The following GCNA variants were observed in gnomAD, a reference collection of about 807,000 sequenced individuals.
The protein encoded by GCNA is germ cell nuclear acidic peptidase.
Under a neutral mutation model 38.8 loss-of-function variants are expected in GCNA, and 3 were observed. The ratio of observed to expected loss-of-function variants is 0.08; its 90% CI spans 0.04 to 0.20. The LOEUF is 0.20. Among genes scored for constraint, GCNA ranks in the 10% least tolerant of loss-of-function variants. The pLI is 1.00. For missense variants in GCNA, 446 were observed against 578.6 expected (o/e 0.77, Z 2.35); for synonymous variants, 195 against 240.2 (o/e 0.81, Z 1.74).
At chrX:71,593,193 C>T (rs2040643907) in intron 4 of GCNA, among the ~76,000 whole-genome samples, 1 of 112,357 alleles carries the variant, frequency 8.9e-6, no homozygotes, top group South Asian at 3.7e-4. Flanking sequence ...TGCACCTGGC[C>T]TAAGTCTAAC....
intron 8 of GCNA, among the ~76,000 whole-genome samples, chrX:71,604,941 A>C (rs2040757050): frequency 8.9e-6 from 1 of 111,997 alleles, no homozygotes; most frequent in African/African-American, 3.2e-5. Flanking sequence ...TGTTCTGAGG[A>C]TATCTTATTT....
chrX:71,583,230 G>A (rs779523702), intron 2 of GCNA, among the ~76,000 whole-genome samples: 1 of 112,358 alleles, frequency 8.9e-6, no homozygotes, highest in Admixed American at 9.5e-5. Flanking sequence ...TCTCCGGGAA[G>A]AGCAAGGACA....
intron 9 of GCNA, among the ~76,000 whole-genome samples, chrX:71,607,720 G>A (rs745490124): frequency 3.6e-5 from 4 of 112,278 alleles, no homozygotes; most frequent in Non-Finnish European, 7.5e-5. Flanking sequence ...AGTGGAGATC[G>A]TAAAAATAGT....
chrX:71,602,103 A>G (rs760544805), intron 7 of GCNA, among the ~76,000 whole-genome samples: 2 of 112,110 alleles, frequency 1.8e-5, no homozygotes, highest in South Asian at 3.7e-4. Flanking sequence ...TTTTCTCCTC[A>G]TTCTCACCAG....
At chrX:71,594,105 C>T (rs186320738) in intron 4 of GCNA, among the ~76,000 whole-genome samples, 30 of 112,457 alleles carry the variant, frequency 2.7e-4, no homozygotes, top group African/African-American at 8.4e-4. Context: ...ACATTCTTCC[C>T]GTGTTTTTGA....
intron 2 of GCNA, among the ~76,000 whole-genome samples, chrX:71,582,948 C>G (rs2040557713): frequency 8.9e-6 from 1 of 111,813 alleles, no homozygotes; most frequent in Non-Finnish European, 1.9e-5. Flanking sequence ...CATTGCAGCA[C>G]TGTTTGTAAT....
intron 2 of GCNA, among the ~76,000 whole-genome samples, chrX:71,588,241 G>A (rs2040597698): frequency 9.0e-6 from 1 of 111,533 alleles, no homozygotes; most frequent in South Asian, 3.7e-4. Flanking sequence ...GTATATAGTA[G>A]ATGCTCGATA....
chrX:71,607,098 A>G (rs980733767), intron 9 of GCNA, among the ~76,000 whole-genome samples: 3 of 111,856 alleles, frequency 2.7e-5, no homozygotes, highest in Non-Finnish European at 5.6e-5. Flanking sequence ...GTAAAGAGCC[A>G]CAGGCCTTGA....
chrX:71,608,434 A>G (rs1022948332), intron 9 of GCNA, among the ~76,000 whole-genome samples: 5 of 110,753 alleles, frequency 4.5e-5, no homozygotes, highest in Admixed American at 9.6e-5. Flanking sequence ...CATCACGCCC[A>G]GCTAATTTTT....
At chrX:71,611,189 T>C (rs1016569797) in intron 11 of GCNA, among the ~76,000 whole-genome samples, 1 of 112,243 alleles carries the variant, frequency 8.9e-6, no homozygotes, top group Non-Finnish European at 1.9e-5. Flanking sequence ...CCCTCATCCC[T>C]GCTCTGTTTG....
intron 7 of GCNA, among the ~76,000 whole-genome samples, chrX:71,601,083 C>T (rs2040710096): frequency 8.9e-6 from 1 of 111,827 alleles, no homozygotes; most frequent in Non-Finnish European, 1.9e-5. Flanking sequence ...TGGTGGCTCA[C>T]GCCTGTAATC....
intron 2 of GCNA, among the ~76,000 whole-genome samples, chrX:71,584,004 G>A (rs1379124595): frequency 9.5e-6 from 1 of 104,717 alleles, no homozygotes; most frequent in Non-Finnish European, 2.0e-5. Flanking sequence ...CACCACGCCC[G>A]GCTAATTTTT....
chrX:71,603,439 C>A (rs1345248389), intron 7 of GCNA, 149 bp from the exon 8 acceptor site: 1 of 852,757 alleles, frequency 1.2e-6, no homozygotes, highest in Non-Finnish European at 1.6e-6. Flanking sequence ...GTTGGTGTCT[C>A]CTTTAAAATA....
At chrX:71,609,829 G>A (rs2040796566) in intron 10 of GCNA, among the ~76,000 whole-genome samples, 1 of 111,843 alleles carries the variant, frequency 8.9e-6, no homozygotes, top group African/African-American at 3.3e-5. Flanking sequence ...GGACTGGATT[G>A]GAGAAAATCT....
At chrX:71,601,095 C>T in intron 7 of GCNA, among the ~76,000 whole-genome samples, 1 of 111,807 alleles carries the variant, frequency 8.9e-6, no homozygotes, top group Admixed American at 9.5e-5. Flanking sequence ...CCTGTAATCC[C>T]AGCACTTGGG....
chrX:71,586,844 A>G (rs2147711969), intron 2 of GCNA, among the ~76,000 whole-genome samples: 1 of 111,698 alleles, frequency 9.0e-6, no homozygotes, highest in Non-Finnish European at 1.9e-5. Flanking sequence ...TCCTGACCTC[A>G]GGTGATCCGC....
intron 1 of GCNA, among the ~76,000 whole-genome samples, chrX:71,579,588 G>T (rs1395040983): frequency 1.9e-5 from 2 of 103,728 alleles, no homozygotes; most frequent in Non-Finnish European, 2.0e-5. Context: ...AGCATTGGGG[G>T]GAGGTGGGAG....
intron 2 of GCNA, among the ~76,000 whole-genome samples, chrX:71,589,430 A>T (rs1251344215): frequency 2.3e-5 from 2 of 85,652 alleles, no homozygotes; most frequent in Admixed American, 3.0e-4. Context: ...ACTACAGCGT[A>T]CCTGGCCTGC....
At chrX:71,599,505 G>A (rs775946470) in intron 7 of GCNA, among the ~76,000 whole-genome samples, 1 of 112,117 alleles carries the variant, frequency 8.9e-6, no homozygotes, top group South Asian at 3.7e-4. Context: ...AATCAGAAGA[G>A]ACCGATTCTT....
Sources: allele counts gnomAD v4.1 joint callset (sites outside exome capture counted in the v4.1 genomes callset), GRCh38; gene constraint gnomAD v4.1.1; transcripts MANE v1.5; gene names NCBI Gene and HGNC (gene_info 2026-07-23, HGNC 2026-07-21).